SSH1: variants seen among roughly 807,000 people sequenced by gnomAD.
SSH1 encodes the protein protein phosphatase Slingshot homolog 1.
In SSH1, 43 loss-of-function variants were observed where a neutral mutation model predicts 79.7. That is an observed-to-expected ratio of 0.54 (90% CI 0.42 to 0.70). The LOEUF is 0.70. SSH1 is among the 30% of genes least tolerant of loss of function. The probability of loss-of-function intolerance (pLI) is 0.00; values close to 1 mark genes in which losing one functional copy is unlikely to be tolerated. For missense variants in SSH1, 1,206 were observed against 1,358.8 expected (o/e 0.89, Z 1.77); for synonymous variants, 599 against 538.3 (o/e 1.11, Z -1.56).
chr12:108,833,223 A>G (rs1407681468), intron 2 of SSH1, among the ~76,000 whole-genome samples: 1 of 151,614 alleles, frequency 6.6e-6, no homozygotes, highest in Non-Finnish European at 1.5e-5. Flanking sequence ...AAATTTTAAG[A>G]TAGTTCCCTG....
In SSH1 at chr12:108,787,958, T is replaced by A; in HGVS notation, c.*30A>T. 1 of 1,613,860 alleles carries A rather than the reference T, an allele frequency of 6.2e-7. No homozygotes were observed. The highest frequency in any genetic ancestry group is 8.5e-7 in the Non-Finnish European group (1 of 1,179,852). ...GTGAGGGAGGGATCATATGAAAATA[T>A]CCGCCCAGCCTGACGCAGCAAAAGG... On this transcript the variant is annotated 3_prime_UTR_variant, in exon 15 of 15. Transcript: ENST00000326495.
At chr12:108,850,727 G>C (rs2039019317) in intron 2 of SSH1, among the ~76,000 whole-genome samples, 1 of 123,192 alleles carries the variant, frequency 8.1e-6, no homozygotes, top group Non-Finnish European at 1.7e-5. Context: ...GAGGGGATCT[G>C]GGGGAGGGGA....
intron 2 of SSH1, chr12:108,827,584 G>C: frequency 1.6e-6 from 2 of 1,250,148 alleles, no homozygotes; most frequent in Non-Finnish European, 1.0e-6. Flanking sequence ...GATGAAAGAG[G>C]GCCATTCAGC....
intron 13 of SSH1, among the ~76,000 whole-genome samples, chr12:108,796,678 G>A (rs755347497): frequency 3.3e-5 from 5 of 152,058 alleles, no homozygotes; most frequent in Admixed American, 6.6e-5. Flanking sequence ...ATATCTCTCC[G>A]AGACTCTGCT....
intron 2 of SSH1, among the ~76,000 whole-genome samples, chr12:108,847,564 T>G (rs1406270813): frequency 6.6e-6 from 1 of 152,128 alleles, no homozygotes; most frequent in African/African-American, 2.4e-5. Flanking sequence ...TTCAAACAAT[T>G]CTCCTGCCTC....
rs1293784611 is a variant in SSH1 at position 108,783,523 on chromosome 12, G to C, written c.*4465C>G. 1 of 152,244 alleles carries C rather than the reference G, an allele frequency of 6.6e-6. No homozygotes were observed. Among genetic ancestry groups the C allele is most frequent in the Non-Finnish European group, 1.5e-5 (1 of 68,046 alleles). The allele number at this position is 152,244 out of a possible 1,614,324, so 9.4% of individuals were successfully genotyped here. Reference sequence around the variant, plus strand: ...CAAGGCCGACAGGAAGGACAGTGGAGGACTGGTGATCTGCTTATCGGGACT... The same window carrying C: ...CAAGGCCGACAGGAAGGACAGTGGACGACTGGTGATCTGCTTATCGGGACT... On this transcript the variant is annotated 3_prime_UTR_variant, in exon 15 of 15. Coordinates refer to ENST00000326495, the MANE Select transcript of SSH1 (RefSeq NM_018984.4).
intron 2 of SSH1, among the ~76,000 whole-genome samples, chr12:108,838,428 G>C (rs530627016): frequency 1.3e-5 from 2 of 152,298 alleles, no homozygotes; most frequent in African/African-American, 4.8e-5. Flanking sequence ...CACGGCTCTG[G>C]ACCACGTAAG....
rs750580826 is a variant in SSH1 at position 108,789,035 on chromosome 12, C to T, written c.2103G>A (p.Pro701=). The stretch of plus-strand genomic sequence containing the variant: ...CGGTTGGGCCAGAGGCTGGCTTCTC[C>T]GGAACACGGGACCTGCTGGCCAAGT... ...VAHLASRSRV[P]EKPASGPTEP... Residue 701 remains proline (P), a synonymous_variant, in exon 15 of 15, where the codon CCG becomes CCA. Transcript: ENST00000326495. 8.7e-6 allele frequency: 14 copies of T among 1,608,646 alleles called. No individual in the cohort carries two copies. Among genetic ancestry groups the T allele is most frequent in the Admixed American group, 6.7e-5 (4 of 59,710 alleles).
intron 11 of SSH1, 145 bp downstream of exon 11, chr12:108,802,177 T>TGCACATCA: frequency 1.4e-6 from 1 of 706,532 alleles, no homozygotes; most frequent in Non-Finnish European, 2.6e-6. Flanking sequence ...TGTTTAGCTA[T>TGCACATCA]GCACATCAAC....
chr12:108,844,283 A>C (rs1025395095), intron 2 of SSH1, among the ~76,000 whole-genome samples: 1 of 152,134 alleles, frequency 6.6e-6, no homozygotes, highest in Non-Finnish European at 1.5e-5. Flanking sequence ...AAAAAAAATA[A>C]GAATCAACAT....
chr12:108,800,986 G>C (rs758308108), intron 11 of SSH1, 60 bp from the exon 12 acceptor site: 4 of 1,532,286 alleles, frequency 2.6e-6, no homozygotes, highest in South Asian at 1.2e-5. Flanking sequence ...AGAAAAGCAA[G>C]GTAATAAAAA....
At chr12:108,838,536 C>A (rs1441915919) in intron 2 of SSH1, among the ~76,000 whole-genome samples, 1 of 152,210 alleles carries the variant, frequency 6.6e-6, no homozygotes, top group Non-Finnish European at 1.5e-5. Context: ...GCACGCGAAG[C>A]CAGGATACCG....
chr12:108,817,322 C>A, intron 4 of SSH1, 163 bp from the exon 5 acceptor site: 2 of 1,043,706 alleles, frequency 1.9e-6, no homozygotes, highest in Non-Finnish European at 2.8e-6. Flanking sequence ...GCCTGTAATC[C>A]CAGCACTTTG....
At position 108,788,234 on chromosome 12, in the gene SSH1, G is replaced by C. The variant is rs182605349; in HGVS notation, c.2904C>G (p.Thr968=). 4 of 1,613,734 alleles carry C rather than the reference G, an allele frequency of 2.5e-6. No homozygotes were observed. The highest frequency in any genetic ancestry group is 3.4e-6 in the Non-Finnish European group (4 of 1,180,022). The change falls in exon 15 of 15, where the codon ACC becomes ACG. Residue 968 remains threonine, a synonymous_variant. Coordinates refer to ENST00000326495, the MANE Select transcript of SSH1 (RefSeq NM_018984.4). ...GTGAGCGCTTCAGTGGGGAAGAGAC[G>C]GTGAGGCCCGCCAGCCGGAGCCGGG... ...IETRLRLAGL[T]VSSPLKRSHS... is the part of the protein sequence containing the mutation.
At chr12:108,811,111 C>T in intron 6 of SSH1, 149 bp downstream of exon 6, 1 of 756,440 alleles carries the variant, frequency 1.3e-6, no homozygotes, top group South Asian at 1.5e-5. Context: ...CGTGCCCTCT[C>T]ACTCGAGGGC....
At chr12:108,826,253 T>C (rs2038304876) in intron 2 of SSH1, 1 of 429,890 alleles carries the variant, frequency 2.3e-6, no homozygotes, top group Non-Finnish European at 4.6e-6. Flanking sequence ...CACTCTGTGA[T>C]CACTTACAAG....
In SSH1 at chr12:108,788,208, T is replaced by C. The variant is rs779985741; in HGVS notation, c.2930A>G (p.His977Arg). 2 of 1,613,196 alleles carry C rather than the reference T, an allele frequency of 1.2e-6. No individual in the cohort carries two copies. The highest frequency in any genetic ancestry group is 1.7e-6 in the Non-Finnish European group (2 of 1,179,876). The change falls in exon 15 of 15, where the codon CAC (histidine) becomes CGC (arginine). Residue 977 changes from histidine (H) to arginine (R), a missense_variant. By Grantham distance (29) the His-to-Arg change is conservative. Around this residue, in one of 5 missense-constraint regions of SSH1, gnomAD observed 709 missense variants for 730.6 expected, o/e 0.97. Transcript: ENST00000326495. ...LTVSSPLKRS[H>R]SLAKLGSLTF... ...GAGACTCCCCAGCTTGGCAAGAGAG[T>C]GTGAGCGCTTCAGTGGGGAAGAGAC...
Position 108,781,422 on chromosome 12 carries a change from A to G in SSH1, c.*6566T>C, listed in dbSNP as rs2036145558. The G allele has an allele frequency of 6.6e-6, 1 of 152,242 alleles. No individual in the cohort carries two copies. Among genetic ancestry groups the G allele is most frequent in the African/African-American group, 2.4e-5 (1 of 41,464 alleles). 9.4% of individuals were successfully genotyped at this position (152,242 alleles called of 1,614,324 possible). On this transcript the variant is annotated 3_prime_UTR_variant, in exon 15 of 15. Coordinates refer to ENST00000326495, the MANE Select transcript of SSH1 (RefSeq NM_018984.4). ...TCAAAAAAAGAAAGACTTACCTAGC[A>G]GGACTAAATGTGCTAATCAGCATGT...
chr12:108,827,799 C>T (rs1272677197), intron 2 of SSH1, among the ~76,000 whole-genome samples: 3 of 152,320 alleles, frequency 2.0e-5, no homozygotes, highest in East Asian at 1.9e-4. Flanking sequence ...ATTTACCCAA[C>T]GGTGACGGTG....
Sources: gnomAD v4.1 joint callset for allele counts (sites outside exome capture counted in the v4.1 genomes callset) on GRCh38, gnomAD v4.1.1 for gene constraint, gnomAD v4.1.1 regional missense constraint, MANE v1.5 for transcripts, NCBI Gene and HGNC (gene_info 2026-07-23, HGNC 2026-07-21) for gene names.